Variants in ABCC1 observed in about 807,000 individuals in gnomAD.
ABCC1 encodes the protein multidrug resistance-associated protein 1.
In ABCC1, 83 loss-of-function variants were observed where a neutral mutation model predicts 172.9. The observed-to-expected ratio is 0.48, with a 90% CI of 0.40 to 0.58. The LOEUF (loss-of-function observed/expected upper bound fraction) is 0.58. Among genes scored for constraint, ABCC1 ranks in the 20% least tolerant of loss-of-function variants. The pLI, the probability that ABCC1 is intolerant of heterozygous loss-of-function variation, is 0.00. For synonymous variants in ABCC1, 937 were observed against 825.2 expected (o/e 1.14, Z -2.32); for missense variants, 1,817 against 2,002.7 (o/e 0.91, Z 1.77).
intron 9 of ABCC1, among the ~76,000 whole-genome samples, chr16:16,047,513 T>C (rs1447093250): frequency 6.6e-6 from 1 of 152,128 alleles, no homozygotes; most frequent in Non-Finnish European, 1.5e-5. Flanking sequence ...GTTTGAGGGC[T>C]AGGGACATTT....
intron 11 of ABCC1, among the ~76,000 whole-genome samples, chr16:16,055,866 C>G (rs1298022874): frequency 6.6e-6 from 1 of 151,338 alleles, no homozygotes; most frequent in Non-Finnish European, 1.5e-5. Flanking sequence ...GAAGTTGAGG[C>G]CCAGTGCGGT....
Position 16,114,863 on chromosome 16 carries a change from A to G in ABCC1, c.3177A>G (p.Ser1059=). ...ACCTGCTGCACAGCATCCTGCGGTCACCCATGAGCTTCTTTGAGCGGACCC... is the reference window on the plus strand; with the variant it reads ...ACCTGCTGCACAGCATCCTGCGGTCGCCCATGAGCTTCTTTGAGCGGACCC... The part of the protein sequence containing the change: ...HVDLLHSILR[S]PMSFFERTPS... Residue 1059 remains serine (S), a synonymous_variant, in exon 23 of 31, where the codon TCA becomes TCG. Coordinates refer to ENST00000399410, the MANE Select transcript of ABCC1 (RefSeq NM_004996.4). 2 of 1,613,944 alleles carry G rather than the reference A, an allele frequency of 1.2e-6. No homozygotes were observed. Among genetic ancestry groups the G allele is most frequent in the Non-Finnish European group, 8.5e-7 (1 of 1,179,924 alleles).
chr16:16,132,003 A>G, intron 27 of ABCC1, 68 bp downstream of exon 27: 2 of 1,564,894 alleles, frequency 1.3e-6, no homozygotes, highest in Non-Finnish European at 1.7e-6. Flanking sequence ...GGGCAGGTGA[A>G]CCTAGCTGCA....
intron 13 of ABCC1, among the ~76,000 whole-genome samples, chr16:16,070,401 A>C (rs1301615255): frequency 6.6e-6 from 1 of 151,972 alleles, no homozygotes; most frequent in South Asian, 2.1e-4. Context: ...GCAGTGGCTC[A>C]TGCCTGTAAT....
At chr16:16,010,859 C>T (rs2047749745) in intron 3 of ABCC1, among the ~76,000 whole-genome samples, 1 of 152,140 alleles carries the variant, frequency 6.6e-6, no homozygotes, top group African/African-American at 2.4e-5. Flanking sequence ...CCCCAGATGC[C>T]ATGCTTTTAG....
intron 30 of ABCC1, among the ~76,000 whole-genome samples, chr16:16,139,337 T>A (rs1045966260): frequency 5.9e-5 from 9 of 151,594 alleles, no homozygotes; most frequent in Non-Finnish European, 1.2e-4. Context: ...GCAGGCCAGG[T>A]GCGGTGGCTC....
chr16:15,955,123 A>G (rs935203237), intron 1 of ABCC1, among the ~76,000 whole-genome samples: 1 of 152,170 alleles, frequency 6.6e-6, no homozygotes, highest in African/African-American at 2.4e-5. Flanking sequence ...CGGGAGGCCA[A>G]GGCAGACGGA....
At chr16:16,046,476 C>T (rs1487297120) in intron 9 of ABCC1, among the ~76,000 whole-genome samples, 2 of 152,060 alleles carry the variant, frequency 1.3e-5, no homozygotes, top group African/African-American at 2.4e-5. Flanking sequence ...TCCTGAGTAG[C>T]GGGGACTACA....
intron 5 of ABCC1, among the ~76,000 whole-genome samples, chr16:16,018,044 AG>A (rs962369302): frequency 6.6e-6 from 1 of 152,154 alleles, no homozygotes; most frequent in Non-Finnish European, 1.5e-5. Flanking sequence ...AGTATGGGGC[AG>A]GGAGGCCTTG....
rs142961738 is a variant in ABCC1, at chr16:16,097,305, G to A, written c.2645-5322G>A. 7.0e-4 allele frequency among the ~76,000 whole-genome samples: 107 copies of A among 152,246 alleles called. 1 individual carries two copies. Among genetic ancestry groups the A allele is most frequent in the African/African-American group, 1.8e-3 (74 of 41,532 alleles). ...TTTTTGTATTTTTAGTAGAGACGGC[G>A]TTGTGCCACATTGGTCAGGCTGGTC... On this transcript the variant is annotated intron_variant, in intron 19 of 30. Transcript: ENST00000399410.
intron 11 of ABCC1, among the ~76,000 whole-genome samples, chr16:16,053,856 C>T (rs548850442): frequency 1.3e-5 from 2 of 150,126 alleles, no homozygotes; most frequent in African/African-American, 4.9e-5. Context: ...AGGGGATACC[C>T]CCTTCCCTAC....
intron 1 of ABCC1, among the ~76,000 whole-genome samples, chr16:15,989,321 C>G (rs76364095): frequency 0.013 from 1,910 of 152,208 alleles, 48 homozygotes; most frequent in African/African-American, 0.043. Context: ...ACTGCCCACG[C>G]GATGCTGGCT....
intron 10 of ABCC1, among the ~76,000 whole-genome samples, chr16:16,050,693 G>C (rs955835419): frequency 7.8e-6 from 1 of 128,246 alleles, no homozygotes; most frequent in African/African-American, 3.0e-5. Context: ...AGGAGTTTGA[G>C]ACCAGCCTGG....
intron 10 of ABCC1, among the ~76,000 whole-genome samples, chr16:16,049,920 C>T (rs182244296): frequency 9.1e-4 from 139 of 152,198 alleles, no homozygotes; most frequent in African/African-American, 3.2e-3. Flanking sequence ...TCTTGAACTC[C>T]TGGCCTCAGG....
chr16:15,971,143 T>TAC, intron 1 of ABCC1, among the ~76,000 whole-genome samples: 1 of 152,162 alleles, frequency 6.6e-6, no homozygotes, highest in Non-Finnish European at 1.5e-5. Flanking sequence ...AGATAGCAGC[T>TAC]AGGTATATGT....
chr16:16,065,829 CG>C (rs1263965849), intron 12 of ABCC1, among the ~76,000 whole-genome samples: 2 of 152,200 alleles, frequency 1.3e-5, no homozygotes, highest in Non-Finnish European at 2.9e-5. Context: ...CCTCCCTCCT[CG>C]GCCTTGCAAA....
intron 24 of ABCC1, among the ~76,000 whole-genome samples, chr16:16,122,552 G>A (rs2045214916): frequency 6.6e-6 from 1 of 152,060 alleles, no homozygotes; most frequent in African/African-American, 2.4e-5. Flanking sequence ...TGTGTCAGAA[G>A]CAATTTACTA....
At chr16:16,116,672 C>G (rs931366841) in intron 23 of ABCC1, among the ~76,000 whole-genome samples, 1 of 152,068 alleles carries the variant, frequency 6.6e-6, no homozygotes, top group Admixed American at 6.6e-5. Context: ...AAGTGATTCT[C>G]TTGCCTCAGC....
chr16:16,042,702 C>CAAA (rs60790951), intron 7 of ABCC1, among the ~76,000 whole-genome samples: 1 of 124,022 alleles, frequency 8.1e-6, no homozygotes, highest in East Asian at 2.3e-4. Flanking sequence ...GACTCCATCT[C>CAAA]AAAAAAAAAA....
Sources: allele counts gnomAD v4.1 joint callset (sites outside exome capture counted in the v4.1 genomes callset), GRCh38; gene constraint gnomAD v4.1.1; transcripts MANE v1.5; gene names NCBI Gene and HGNC (gene_info 2026-07-23, HGNC 2026-07-21).